The following RNASEH2A variants were observed in gnomAD, a reference collection of about 807,000 sequenced individuals.
RNASEH2A encodes the protein RNase H(35).
A neutral mutation model predicts 32.7 loss-of-function variants in RNASEH2A; 30 were observed. The observed-to-expected ratio is 0.92, with a 90% CI of 0.69 to 1.25. The LOEUF (loss-of-function observed/expected upper bound fraction) is 1.25, where lower values mean the gene tolerates loss of function less well. Ranked by LOEUF, RNASEH2A falls within the 50% of genes most tolerant of loss-of-function variation. RNASEH2A has a pLI of 0.00. For synonymous variants in RNASEH2A, 147 were observed against 165.4 expected, an observed-to-expected ratio of 0.89 and a Z score of 0.86; for missense variants, 409 against 398.1, an observed-to-expected ratio of 1.03 and a Z score of -0.23.
chr19:12,808,244 A>G (rs1277455922), intron 4 of RNASEH2A, among the ~76,000 whole-genome samples: 1 of 152,062 alleles, frequency 6.6e-6, no homozygotes, highest in Non-Finnish European at 1.5e-5. Flanking sequence ...AGAGCGAAAA[A>G]TAAAAATAAA....
intron 2 of RNASEH2A, 38 bp from the exon 3 acceptor site, chr19:12,807,168 A>G (rs775803241): frequency 1.7e-5 from 28 of 1,613,926 alleles, no homozygotes; most frequent in African/African-American, 2.7e-5. Flanking sequence ...GAACTGGGAG[A>G]ACCAGCTGTT....
chr19:12,808,305 C>T (rs1469925716), intron 4 of RNASEH2A, among the ~76,000 whole-genome samples: 1 of 152,086 alleles, frequency 6.6e-6, no homozygotes, highest in Non-Finnish European at 1.5e-5. Context: ...GCAGATTCAG[C>T]ATCAGATACG....
rs144494263 is a variant in RNASEH2A, at chr19:12,813,192, G to A, written c.747G>A (p.Ala249=). 6.9e-5 allele frequency: 112 copies of A among 1,613,934 alleles called. No homozygotes were observed. In the African/African-American group the frequency reaches 1.1e-3, roughly 15 times the overall value. The change falls in exon 7 of 8, where the codon GCG becomes GCA. Residue 249 remains alanine (A), a synonymous_variant. Coordinates refer to ENST00000221486, the MANE Select transcript of RNASEH2A (RefSeq NM_006397.3). ...CCCAGACCATCCTGGAGAAAGAGGC[G>A]GAAGATGTTATATGGTGGGTGTCAT... ...RTAQTILEKE[A]EDVIWEDSAS... is the part of the protein sequence containing the mutation.
In RNASEH2A at chr19:12,813,536, TA is replaced by T; in HGVS notation, c.*71del. 17 of 1,592,780 alleles carry T rather than the reference TA, an allele frequency of 1.1e-5. No individual in the cohort carries two copies. Among genetic ancestry groups the T allele is most frequent in the Non-Finnish European group, 1.5e-5 (17 of 1,171,034 alleles). On this transcript the variant is annotated 3_prime_UTR_variant, in exon 8 of 8. Coordinates refer to ENST00000221486, the MANE Select transcript of RNASEH2A (RefSeq NM_006397.3). The stretch of plus-strand genomic sequence containing the variant: ...AAAATTGTTTAAGGAGAACCACACG[TA>T]GGGGATGTACTTTTGGGACAGAAGC...
Position 12,810,426 on chromosome 19 carries a change from G to A in RNASEH2A, c.637+22G>A, listed in dbSNP as rs749759081. The A allele has an allele frequency of 2.5e-6, 4 of 1,602,946 alleles. No individual in the cohort carries two copies. The East Asian group carries it at 6.7e-5, about 27-fold the overall frequency. ...AATGGTGAGCAGACACGTGACCATGGTACTAATGTTGAAATGGCCAGGGCT... is the reference window on the plus strand; with the variant it reads ...AATGGTGAGCAGACACGTGACCATGATACTAATGTTGAAATGGCCAGGGCT... On this transcript the variant is annotated intron_variant, in intron 6 of 7. Coordinates refer to ENST00000221486, the MANE Select transcript of RNASEH2A (RefSeq NM_006397.3).
rs2145827508 is a variant in RNASEH2A at position 12,810,067 on chromosome 19, G to A, written c.412-4G>A. 2 of 1,614,134 alleles carry A rather than the reference G, an allele frequency of 1.2e-6. No homozygotes were observed. The highest frequency in any genetic ancestry group is 1.7e-4 in the Middle Eastern group (1 of 6,060). Reference sequence around the variant, plus strand: ...CAATTAATATGTGTCTGTTGCTGTGGCAGGTATTCGTGGACACCGTAGGGA... The same window carrying A: ...CAATTAATATGTGTCTGTTGCTGTGACAGGTATTCGTGGACACCGTAGGGA... On this transcript the variant is annotated splice_region_variant and splice_polypyrimidine_tract_variant and intron_variant, in intron 4 of 7. Transcript: ENST00000221486.
chr19:12,812,567 C>T (rs1452736511), intron 6 of RNASEH2A, among the ~76,000 whole-genome samples: 1 of 151,944 alleles, frequency 6.6e-6, no homozygotes, highest in Non-Finnish European at 1.5e-5. Flanking sequence ...TGTTTAATGA[C>T]TTGTTCTTGG....
Position 12,806,658 on chromosome 19 carries a change from T to TGGC in RNASEH2A, c.-12_-10dup, listed in dbSNP as rs770077858. ...CAGTATTAGTTCTTGCAGCTGGTGG[T>TGGC]GGCGGCTGAGGCGGCATGGATCTCA... On this transcript the variant is annotated 5_prime_UTR_variant, in exon 1 of 8. Transcript: ENST00000221486. 1 of 1,572,742 alleles carries TGGC rather than the reference T, an allele frequency of 6.4e-7. No homozygotes were observed. Among genetic ancestry groups the TGGC allele is most frequent in the Non-Finnish European group, 8.6e-7 (1 of 1,159,072 alleles).
At chr19:12,811,793 C>T (rs759004056) in intron 6 of RNASEH2A, among the ~76,000 whole-genome samples, 13 of 151,492 alleles carry the variant, frequency 8.6e-5, no homozygotes, top group Admixed American at 7.3e-4. Context: ...GGCACACGCC[C>T]GTAATCCCAG....
At chr19:12,811,352 G>T (rs910729265) in intron 6 of RNASEH2A, among the ~76,000 whole-genome samples, 1 of 152,078 alleles carries the variant, frequency 6.6e-6, no homozygotes, top group Non-Finnish European at 1.5e-5. Context: ...GCTCATGCCT[G>T]TAATCCCAGC....
At chr19:12,813,061 A>T in intron 6 of RNASEH2A, 22 bp from the exon 7 acceptor site, 6 of 1,613,600 alleles carry the variant, frequency 3.7e-6, no homozygotes, top group Non-Finnish European at 5.1e-6. Flanking sequence ...TTGGACTGTC[A>T]CCATTGCCCA....
chr19:12,811,001 A>G (rs1042042399), intron 6 of RNASEH2A, among the ~76,000 whole-genome samples: 5 of 151,664 alleles, frequency 3.3e-5, no homozygotes, highest in African/African-American at 1.2e-4. Flanking sequence ...GGGTCTCCCT[A>G]TGTTGCCCAG....
chr19:12,806,752 G>A lies in RNASEH2A; in HGVS notation c.79G>A (p.Glu27Lys), dbSNP rs770044946. The A allele has an allele frequency of 2.5e-6, 4 of 1,574,042 alleles. No individual in the cohort carries two copies. ...SSPVPAVCRK[E>K]PCVLGVDEAG... ...GCCTGTGCCCGCGGTGTGCCGCAAG[G>A]AGCCTTGCGTCCTGGGCGTCGATGA... is the stretch of plus-strand genomic sequence containing the variant. Residue 27 changes from glutamate (E) to lysine (K), a missense_variant, in exon 1 of 8, where the codon GAG becomes AAG. Glu to Lys is a moderately conservative substitution (Grantham distance 56, BLOSUM62 1). Transcript: ENST00000221486.
intron 6 of RNASEH2A, 65 bp from the exon 7 acceptor site, chr19:12,813,018 G>C: frequency 1.3e-6 from 2 of 1,592,950 alleles, no homozygotes; most frequent in East Asian, 2.3e-5. Context: ...AAAAAAAAAA[G>C]AGTGGCAGGG....
intron 4 of RNASEH2A, among the ~76,000 whole-genome samples, chr19:12,809,641 A>G (rs1471128691): frequency 6.6e-6 from 1 of 151,974 alleles, no homozygotes; most frequent in Non-Finnish European, 1.5e-5. Flanking sequence ...CACTCTACCA[A>G]TTTTTTTCTA....
At chr19:12,809,175 C>G (rs1336519059) in intron 4 of RNASEH2A, among the ~76,000 whole-genome samples, 1 of 152,118 alleles carries the variant, frequency 6.6e-6, no homozygotes, top group Non-Finnish European at 1.5e-5. Context: ...GAGTTCGAGA[C>G]CAGCCTGACC....
Position 12,806,601 on chromosome 19 carries a change from C to T in RNASEH2A, c.-73C>T, listed in dbSNP as rs997948234. The T allele has an allele frequency of 5.8e-6, 9 of 1,546,542 alleles. No homozygotes were observed. In the African/African-American group the frequency reaches 9.6e-5, roughly 16 times the overall value. On this transcript the variant is annotated 5_prime_UTR_variant, in exon 1 of 8. Transcript: ENST00000221486. ...CCGGAAGCAGGCGCCGCTTCGAGGC[C>T]CGCGGAAAACGCGCGCCGAGACCCG...
chr19:12,806,587 C>A lies in RNASEH2A; in HGVS notation c.-87C>A. ...TGCCCGCGGATTGGCCGGAAGCAGG[C>A]GCCGCTTCGAGGCCCGCGGAAAACG... On this transcript the variant is annotated 5_prime_UTR_variant, in exon 1 of 8. Coordinates refer to ENST00000221486, the MANE Select transcript of RNASEH2A (RefSeq NM_006397.3). The A allele has an allele frequency of 1.3e-6, 2 of 1,533,664 alleles. No homozygotes were observed. The highest frequency in any genetic ancestry group is 1.2e-5 in the South Asian group (1 of 83,478).
At chr19:12,807,805 G>C (rs145838677) in intron 4 of RNASEH2A, 2 of 390,646 alleles carry the variant, frequency 5.1e-6, no homozygotes, top group South Asian at 4.3e-5. Flanking sequence ...GGTGGCAGGC[G>C]CCTGTAATCC....
Sources: allele counts gnomAD v4.1 joint callset (sites outside exome capture counted in the v4.1 genomes callset), GRCh38; gene constraint gnomAD v4.1.1; transcripts MANE v1.5; gene names NCBI Gene and HGNC (gene_info 2026-07-23, HGNC 2026-07-21).